R3HDM1: variants seen among roughly 807,000 people sequenced by gnomAD.
R3HDM1 encodes R3H domain-containing protein 1.
A neutral mutation model predicts 141.1 loss-of-function variants in R3HDM1; 46 were observed. The ratio of observed to expected loss-of-function variants is 0.33; its 90% CI spans 0.26 to 0.42. The LOEUF is 0.42. Ranked by LOEUF, R3HDM1 falls within the 10% of genes least tolerant of loss-of-function variation. R3HDM1 has a pLI of 1.00. For missense variants in R3HDM1, 1,184 were observed against 1,368.3 expected (o/e 0.87, Z 2.12); for synonymous variants, 435 against 472.9 (o/e 0.92, Z 1.04).
chr2:135,547,746 G>A (rs568270885), intron 1 of R3HDM1, among the ~76,000 whole-genome samples: 150 of 143,886 alleles, frequency 1.0e-3, no homozygotes, highest in African/African-American at 3.7e-3. Flanking sequence ...GAACTTATAT[G>A]TCTGTAGTCT....
rs1200998671 is a variant in R3HDM1 at position 135,649,922 on chromosome 2, C to T, written c.1644C>T (p.Ser548=). 2.3e-6 allele frequency: 3 copies of T among 1,287,262 alleles called. No homozygotes were observed. The Admixed American group carries it at 7.1e-5, about 30-fold the overall frequency. The allele number at this position is 1,287,262 out of a possible 1,614,324, so 79.7% of individuals were successfully genotyped here. ...TTTAGCCTGTTCATCCTCTGCAGTC[C>T]TCTTCACAGCCTGTTCAGTACTCTA... ...IFSQPVHPLQ[S]SSQPVQYSTA... The change falls in exon 17 of 27, where the codon TCC becomes TCT. Residue 548 remains serine (S), a synonymous_variant. Coordinates refer to ENST00000683871, the MANE Select transcript of R3HDM1 (RefSeq NM_001378107.1).
At chr2:135,559,634 C>T (rs1343124874) in intron 1 of R3HDM1, among the ~76,000 whole-genome samples, 1 of 152,192 alleles carries the variant, frequency 6.6e-6, no homozygotes, top group East Asian at 1.9e-4. Flanking sequence ...CCCCTTGGAC[C>T]ATCTCATTTC....
chr2:135,650,964 A>G (rs1354927176), intron 17 of R3HDM1: 3 of 985,220 alleles, frequency 3.0e-6, no homozygotes, highest in Non-Finnish European at 3.6e-6. Context: ...ACCCTATATA[A>G]TCATTTCAGT....
intron 1 of R3HDM1, among the ~76,000 whole-genome samples, chr2:135,537,008 C>T (rs1574360372): frequency 2.0e-5 from 3 of 152,152 alleles, no homozygotes; most frequent in African/African-American, 7.2e-5. Context: ...AATTATTTTC[C>T]ACCAAACAGG....
intron 5 of R3HDM1, chr2:135,620,248 G>C (rs1293986226): frequency 1.1e-6 from 1 of 934,512 alleles, no homozygotes; most frequent in African/African-American, 1.8e-5. Flanking sequence ...AACCAGAATA[G>C]TAGTTACAAG....
chr2:135,638,570 G>A (rs574584418), intron 11 of R3HDM1, 48 bp from the exon 12 acceptor site: 33 of 1,534,950 alleles, frequency 2.1e-5, no homozygotes, highest in East Asian at 4.5e-5. Context: ...ATGGCATTAC[G>A]TTATATTTGA....
intron 1 of R3HDM1, among the ~76,000 whole-genome samples, chr2:135,595,501 C>G (rs558539530): frequency 6.6e-6 from 1 of 152,226 alleles, no homozygotes; most frequent in African/African-American, 2.4e-5. Flanking sequence ...CTTAATCTTC[C>G]TCTGCCTCAG....
chr2:135,638,823 A>G, intron 13 of R3HDM1, 34 bp downstream of exon 13: 1 of 1,612,812 alleles, frequency 6.2e-7, no homozygotes, highest in Middle Eastern at 1.7e-4. Context: ...CAGTATTGAA[A>G]AATTAAAGCA....
chr2:135,723,123 T>G (rs1396134474), intron 26 of R3HDM1, among the ~76,000 whole-genome samples: 1 of 152,066 alleles, frequency 6.6e-6, no homozygotes, highest in Non-Finnish European at 1.5e-5. Flanking sequence ...TTTTTTTTAT[T>G]TATTTATTTA....
chr2:135,568,678 T>G (rs1056590327), intron 1 of R3HDM1: 1 of 152,188 alleles, frequency 6.6e-6, no homozygotes, highest in Non-Finnish European at 1.5e-5. Flanking sequence ...ACCTTTGAAA[T>G]AGAGTTAGTA....
chr2:135,566,519 G>A (rs999234922), intron 1 of R3HDM1: 1 of 154,596 alleles, frequency 6.5e-6, no homozygotes, highest in African/African-American at 2.4e-5. Flanking sequence ...CATAAAATAA[G>A]CTCAGGTTAT....
intron 1 of R3HDM1, among the ~76,000 whole-genome samples, chr2:135,559,779 T>G (rs1701452813): frequency 1.3e-5 from 2 of 152,244 alleles, no homozygotes; most frequent in African/African-American, 4.8e-5. Flanking sequence ...GTTTGAAGTA[T>G]GCCCTGGCAG....
intron 21 of R3HDM1, among the ~76,000 whole-genome samples, chr2:135,680,596 C>G (rs1237540118): frequency 6.6e-6 from 1 of 152,158 alleles, no homozygotes; most frequent in Non-Finnish European, 1.5e-5. Context: ...ATGGTGAAAC[C>G]CCGTCTCTAC....
chr2:135,636,233 G>A (rs751161404), intron 11 of R3HDM1, 50 bp downstream of exon 11: 51 of 1,568,652 alleles, frequency 3.3e-5, no homozygotes, highest in Admixed American at 1.9e-4. Context: ...TTCTAATTAC[G>A]TTGTAGGGTC....
In R3HDM1 at chr2:135,710,064, C is replaced by T; in HGVS notation, c.2569C>T (p.Pro857Ser). 1 of 1,612,860 alleles carries T rather than the reference C, an allele frequency of 6.2e-7. No homozygotes were observed. Among genetic ancestry groups the T allele is most frequent in the Non-Finnish European group, 8.5e-7 (1 of 1,179,434 alleles). The change falls in exon 23 of 27, where the codon CCA becomes TCA. Residue 857 changes from proline (P) to serine (S), a missense_variant. Physicochemically the swap from Pro to Ser is moderately conservative, Grantham distance 74 (BLOSUM62 -1). Transcript: ENST00000683871. Reference sequence around the variant, plus strand: ...TCCTAAATTCTGATTTTCAGCTGGACCACCACCGCCACCTGGTGGGGGGAT... The same window carrying T: ...TCCTAAATTCTGATTTTCAGCTGGATCACCACCGCCACCTGGTGGGGGGAT... ...QLQGHQCTAG[P>S]PPPPGGGMVM...
At chr2:135,699,264 G>A (rs1015117057) in intron 21 of R3HDM1, among the ~76,000 whole-genome samples, 8 of 152,138 alleles carry the variant, frequency 5.3e-5, no homozygotes, top group African/African-American at 1.4e-4. Context: ...AAGGATAAGC[G>A]TTGAATTGGA....
Position 135,675,422 on chromosome 2 carries a change from C to T in R3HDM1, c.2243C>T (p.Pro748Leu). Residue 748 changes from proline to leucine, a missense_variant, in exon 20 of 27, where the codon CCC (proline) becomes CTC (leucine). Pro to Leu is a moderately conservative substitution (Grantham distance 98). Transcript: ENST00000683871. Reference sequence around the variant, plus strand: ...AGTCAGAGCCTAGTCAGTGGCCAACCCAACAGCATTGGAAATCAGATTCAA... The same window carrying T: ...AGTCAGAGCCTAGTCAGTGGCCAACTCAACAGCATTGGAAATCAGATTCAA... ...PQSQSLVSGQ[P>L]NSIGNQIQGV... is the part of the protein sequence containing the mutation. The T allele has an allele frequency of 6.2e-7, 1 of 1,613,890 alleles. No homozygotes were observed. Among genetic ancestry groups the T allele is most frequent in the Non-Finnish European group, 8.5e-7 (1 of 1,179,848 alleles).
chr2:135,565,848 A>G (rs1702671890), intron 1 of R3HDM1: 1 of 152,832 alleles, frequency 6.5e-6, no homozygotes, highest in South Asian at 1.8e-4. Context: ...AGTCAAAGGA[A>G]TGAGAAAAAG....
intron 19 of R3HDM1, 116 bp from the exon 20 acceptor site, chr2:135,675,216 C>T: frequency 1.9e-6 from 2 of 1,059,572 alleles, no homozygotes; most frequent in East Asian, 2.6e-5. Context: ...TAGGGGCTTA[C>T]CATTTAATCA....
Sources: gnomAD v4.1 joint callset for allele counts (sites outside exome capture counted in the v4.1 genomes callset) on GRCh38, gnomAD v4.1.1 for gene constraint, MANE v1.5 for transcripts, NCBI Gene and HGNC (gene_info 2026-07-23, HGNC 2026-07-21) for gene names.